The following DNAH17 variants were observed in gnomAD, a reference collection of about 807,000 sequenced individuals.
DNAH17 encodes dynein axonemal heavy chain 17.
Under a neutral mutation model 485.6 loss-of-function variants are expected in DNAH17, and 376 were observed. That is an observed-to-expected ratio of 0.77 (90% CI 0.71 to 0.84). The LOEUF is 0.84. DNAH17 is among the 40% of genes least tolerant of loss of function. The pLI, the probability that DNAH17 is intolerant of heterozygous loss-of-function variation, is 0.00. For synonymous variants in DNAH17, 3,031 were observed against 2,405.9 expected (o/e 1.26, Z -7.60); for missense variants, 6,370 against 5,839.3 (o/e 1.09, Z -2.96).
At chr17:78,545,568 C>T (rs771137276) in intron 16 of DNAH17, among the ~76,000 whole-genome samples, 4 of 152,126 alleles carry the variant, frequency 2.6e-5, no homozygotes, top group Non-Finnish European at 5.9e-5. Flanking sequence ...GAATCTCCTT[C>T]GTGATGGCTC....
At chr17:78,480,200 T>G (rs2089290468) in intron 49 of DNAH17, among the ~76,000 whole-genome samples, 1 of 151,708 alleles carries the variant, frequency 6.6e-6, no homozygotes, top group South Asian at 2.1e-4. Context: ...AATACAAAAA[T>G]TAGCCAGGTG....
At chr17:78,516,710 AAAG>A (rs2090792935) in intron 25 of DNAH17, among the ~76,000 whole-genome samples, 2 of 143,702 alleles carry the variant, frequency 1.4e-5, no homozygotes, top group African/African-American at 2.5e-5. Flanking sequence ...AAAAAAAAAA[AAAG>A]AGAGAGAGAC....
chr17:78,445,607 A>C lies in DNAH17; in HGVS notation c.11285T>G (p.Val3762Gly), dbSNP rs201561978. Residue 3762 changes from valine (V) to glycine (G), a missense_variant, in exon 70 of 81, where the codon GTG becomes GGG. Transcript: ENST00000389840. ...FLLRFPFKAG[V>G]VSPVDFLQHQ... ...CTGGAGGAAGTCCACTGGTGAGACC[A>C]CTCCGGCCTTAAAAGGGAACCGCAG... 6.4e-7 allele frequency: 1 copy of C among 1,565,178 alleles called. No individual in the cohort carries two copies. Among genetic ancestry groups the C allele is most frequent in the South Asian group, 1.2e-5 (1 of 84,926 alleles).
At chr17:78,506,538 C>T (rs1411569208) in intron 30 of DNAH17, among the ~76,000 whole-genome samples, 182 bp downstream of exon 30, 2 of 152,166 alleles carry the variant, frequency 1.3e-5, no homozygotes, top group Admixed American at 6.5e-5. Context: ...TGAGGCGAGT[C>T]CTGCCACGTT....
At chr17:78,468,095 G>A (rs1025990375) in intron 55 of DNAH17, among the ~76,000 whole-genome samples, 1 of 150,180 alleles carries the variant, frequency 6.7e-6, no homozygotes, top group Admixed American at 6.6e-5. Flanking sequence ...GTGGGGAGGG[G>A]GTCCACATAG....
rs751817488 is a variant in DNAH17, at chr17:78,468,711, G to A, written c.8684C>T (p.Ser2895Phe). ...GGACTTGACTTGGGGTCGCATGGAGGAGATGATGTTCTCCACCTCGTCCTC... is the reference window on the plus strand; with the variant it reads ...GGACTTGACTTGGGGTCGCATGGAGAAGATGATGTTCTCCACCTCGTCCTC... ...FMEDEVENII[S>F]SMRPQVKSLG... Residue 2895 changes from serine (S) to phenylalanine (F), a missense_variant, in exon 55 of 81, where the codon TCC becomes TTC. Ser to Phe is a radical substitution (Grantham distance 155, BLOSUM62 -2). Transcript: ENST00000389840. The A allele has an allele frequency of 9.3e-6, 15 of 1,614,036 alleles. No individual in the cohort carries two copies. In the South Asian group the frequency reaches 1.4e-4, roughly 15 times the overall value.
At chr17:78,489,875 A>C (rs2146665712) in intron 44 of DNAH17, 1 of 151,880 alleles carries the variant, frequency 6.6e-6, no homozygotes, top group Admixed American at 6.6e-5. Flanking sequence ...GGATGGATGG[A>C]TGGATGAACT....
chr17:78,450,864 G>A lies in DNAH17; in HGVS notation c.10735-18C>T, dbSNP rs2087518958. 6 of 1,613,074 alleles carry A rather than the reference G, an allele frequency of 3.7e-6. No individual in the cohort carries two copies. Among genetic ancestry groups the A allele is most frequent in the Non-Finnish European group, 5.1e-6 (6 of 1,179,314 alleles). On this transcript the variant is annotated intron_variant, in intron 66 of 80. Transcript: ENST00000389840. ...AGGTTTGCCTGCAAGGGGAGGTGCA[G>A]GAGTCACTGCATTGCCTGGCTCTGT...
chr17:78,512,403 A>T (rs1598619238), intron 26 of DNAH17, among the ~76,000 whole-genome samples: 1 of 151,976 alleles, frequency 6.6e-6, no homozygotes, highest in Non-Finnish European at 1.5e-5. Context: ...TGAAGGTGGC[A>T]CCCTCCTCTA....
At chr17:78,570,189 G>A (rs1028150712) in intron 7 of DNAH17, 58 bp downstream of exon 7, 128 of 1,514,544 alleles carry the variant, frequency 8.5e-5, no homozygotes, top group Non-Finnish European at 9.8e-5. Flanking sequence ...ACAGTGAACC[G>A]GGGAGGGGAC....
intron 55 of DNAH17, 64 bp downstream of exon 55, chr17:78,468,553 A>C: frequency 1.3e-6 from 2 of 1,543,362 alleles, no homozygotes; most frequent in Non-Finnish European, 1.8e-6. Flanking sequence ...GCAAAAACCC[A>C]TACCCTGTAG....
intron 30 of DNAH17, among the ~76,000 whole-genome samples, chr17:78,505,661 T>C (rs2090462967): frequency 6.6e-6 from 1 of 152,216 alleles, no homozygotes; most frequent in Non-Finnish European, 1.5e-5. Flanking sequence ...CCGCAGCCCT[T>C]CTAAGCCAAA....
At position 78,479,613 on chromosome 17, in the gene DNAH17, G is replaced by A; in HGVS notation, c.7772C>T (p.Ala2591Val). 6.2e-7 allele frequency: 1 copy of A among 1,613,192 alleles called. No individual in the cohort carries two copies. The highest frequency in any genetic ancestry group is 8.5e-7 in the Non-Finnish European group (1 of 1,179,770). The change falls in exon 50 of 81, where the codon GCT becomes GTT. Residue 2591 changes from alanine (A) to valine (V), a missense_variant. Ala to Val is a moderately conservative substitution (Grantham distance 64). Transcript: ENST00000389840. The stretch of plus-strand genomic sequence containing the variant: ...GGCCTCCTGGCCGGGGAAGCTCACA[G>A]CAAACACGCAGAAATGGCGCTACCC... Reference protein sequence around the residue: ...SRLQRHFCVFAVSFPGQEALT... With the variant: ...SRLQRHFCVFVVSFPGQEALT...
intron 54 of DNAH17, chr17:78,472,595 A>G: frequency 5.5e-6 from 2 of 363,822 alleles, no homozygotes; most frequent in South Asian, 3.7e-5. Context: ...TCACAGAAAT[A>G]AAAACTCCCC....
rs770856995 is a variant in DNAH17 at position 78,490,787 on chromosome 17, C to G, written c.6730G>C (p.Glu2244Gln). 6.2e-7 allele frequency: 1 copy of G among 1,603,914 alleles called. No individual in the cohort carries two copies. Among genetic ancestry groups the G allele is most frequent in the Non-Finnish European group, 8.5e-7 (1 of 1,175,610 alleles). ...GTGGCCGTCCTCAGGTGGCTGATTTCGAACACCAGCCTCATGGTGCGGTTC... is the reference window on the plus strand; with the variant it reads ...GTGGCCGTCCTCAGGTGGCTGATTTGGAACACCAGCCTCATGGTGCGGTTC... ...PLNRTMRLVF[E>Q]ISHLRTATPA... Residue 2244 changes from glutamate to glutamine, a missense_variant, in exon 44 of 81, where the codon GAA (glutamate) becomes CAA (glutamine). By Grantham distance (29) the Glu-to-Gln change is conservative. Transcript: ENST00000389840.
chr17:78,471,873 C>T (rs147264035), intron 54 of DNAH17, among the ~76,000 whole-genome samples: 2 of 152,316 alleles, frequency 1.3e-5, no homozygotes, highest in African/African-American at 2.4e-5. Context: ...TATCCCTGCA[C>T]TTCCCAGCCC....
chr17:78,576,471 C>T (rs926165407), intron 1 of DNAH17, among the ~76,000 whole-genome samples: 8 of 152,150 alleles, frequency 5.3e-5, no homozygotes, highest in African/African-American at 1.9e-4. Flanking sequence ...AAAGGGGACA[C>T]CACCAGGCAA....
chr17:78,532,980 C>CCTG, intron 19 of DNAH17: 1 of 386,890 alleles, frequency 2.6e-6, no homozygotes, highest in Non-Finnish European at 4.7e-6. Flanking sequence ...CAGCCCAGAA[C>CCTG]TCCTGGGCTC....
chr17:78,431,654 G>C (rs974803210), intron 75 of DNAH17, among the ~76,000 whole-genome samples: 1 of 152,108 alleles, frequency 6.6e-6, no homozygotes, highest in African/African-American at 2.4e-5. Context: ...CACTCAGCGT[G>C]TAGCATGACC....
Sources: allele counts gnomAD v4.1 joint callset (sites outside exome capture counted in the v4.1 genomes callset), GRCh38; gene constraint gnomAD v4.1.1; transcripts MANE v1.5; gene names NCBI Gene and HGNC (gene_info 2026-07-23, HGNC 2026-07-21).